Variants in MGAT4C observed in about 807,000 individuals in gnomAD.
The protein encoded by MGAT4C is MGAT4 family member C.
A neutral mutation model predicts 40.1 loss-of-function variants in MGAT4C; 19 were observed. The observed-to-expected ratio is 0.47, with a 90% CI of 0.33 to 0.70. The LOEUF is 0.70. Among genes scored for constraint, MGAT4C ranks in the 30% least tolerant of loss-of-function variants. The pLI is 0.02. For missense variants in MGAT4C, 491 were observed against 563.2 expected, an observed-to-expected ratio of 0.87 and a Z score of 1.30; for synonymous variants, 181 against 187.1, an observed-to-expected ratio of 0.97 and a Z score of 0.27.
Position 86,578,242 on chromosome 12 carries a change from C to A in MGAT4C, c.-228-142977G>T, listed in dbSNP as rs7304757. 4.6e-5 allele frequency among the ~76,000 whole-genome samples: 7 copies of A among 151,780 alleles called. 1 individual carries two copies. Among genetic ancestry groups the A allele is most frequent in the South Asian group, 4.1e-4 (2 of 4,830 alleles). ...CACAGGCCCTGGACCTTGTGCCTCC[C>A]TCTCTCCCTCCTCTTCCTTTCTCAG... On this transcript the variant is annotated intron_variant, in intron 2 of 7. Transcript: ENST00000548651.
At chr12:86,327,728 T>C (rs777474965) in intron 4 of MGAT4C, among the ~76,000 whole-genome samples, 1 of 152,166 alleles carries the variant, frequency 6.6e-6, no homozygotes, top group Non-Finnish European at 1.5e-5. Context: ...AAATTGAATA[T>C]GCAGAGAACT....
intron 1 of MGAT4C, among the ~76,000 whole-genome samples, chr12:86,070,038 TC>T (rs1171774999): frequency 2.6e-5 from 4 of 151,988 alleles, no homozygotes; most frequent in Non-Finnish European, 5.9e-5. Flanking sequence ...CACATTGTCT[TC>T]CTTGGTGTCC....
intron 1 of MGAT4C, among the ~76,000 whole-genome samples, chr12:86,056,447 T>C (rs1402237252): frequency 2.6e-5 from 4 of 152,176 alleles, no homozygotes; most frequent in Non-Finnish European, 5.9e-5. Context: ...AGTGTTCTCA[T>C]TGTTCAATTC....
intron 1 of MGAT4C, among the ~76,000 whole-genome samples, chr12:86,064,474 TAATGA>T (rs894730101): frequency 3.9e-4 from 60 of 152,178 alleles, no homozygotes; most frequent in African/African-American, 1.4e-3. Context: ...ACTGGGTAAA[TAATGA>T]AATGAAGACA....
At chr12:86,192,489 C>A (rs1889630767) in intron 1 of MGAT4C, among the ~76,000 whole-genome samples, 1 of 152,090 alleles carries the variant, frequency 6.6e-6, no homozygotes, top group African/African-American at 2.4e-5. Context: ...CCTTGCAAGA[C>A]TTTACTAATT....
At chr12:86,793,567 TAG>T (rs1217879640) in intron 1 of MGAT4C, among the ~76,000 whole-genome samples, 4 of 152,066 alleles carry the variant, frequency 2.6e-5, no homozygotes, top group Non-Finnish European at 2.9e-5. Flanking sequence ...ATGAATAAAA[TAG>T]AGTTACAATT....
chr12:86,829,061 T>C (rs907771867), intron 1 of MGAT4C, among the ~76,000 whole-genome samples: 6 of 151,576 alleles, frequency 4.0e-5, no homozygotes, highest in African/African-American at 4.8e-5. Context: ...TTTTCAGATA[T>C]TAATAAAAAA....
intron 2 of MGAT4C, among the ~76,000 whole-genome samples, chr12:86,611,433 T>TA (rs1392573458): frequency 1.4e-4 from 20 of 141,924 alleles, no homozygotes; most frequent in Admixed American, 1.2e-3. Flanking sequence ...GATAGATAGA[T>TA]GACAGATAGA....
intron 3 of MGAT4C, among the ~76,000 whole-genome samples, chr12:86,352,601 C>T (rs1245759861): frequency 6.6e-6 from 1 of 152,080 alleles, no homozygotes; most frequent in Non-Finnish European, 1.5e-5. Context: ...ACATAGGGTT[C>T]CATTACATAG....
At chr12:86,147,647 G>C (rs992115158) in intron 1 of MGAT4C, among the ~76,000 whole-genome samples, 2 of 152,132 alleles carry the variant, frequency 1.3e-5, no homozygotes, top group African/African-American at 4.8e-5. Flanking sequence ...GAGCATTGGA[G>C]ATATTTACAG....
At chr12:86,031,301 C>T (rs1032978405) in intron 2 of MGAT4C, among the ~76,000 whole-genome samples, 3 of 151,652 alleles carry the variant, frequency 2.0e-5, no homozygotes, top group African/African-American at 4.8e-5. Flanking sequence ...CCAAGTGAAA[C>T]GATGGCCAAA....
intron 1 of MGAT4C, among the ~76,000 whole-genome samples, chr12:86,099,062 TTA>T (rs565410016): frequency 1.4e-3 from 208 of 151,480 alleles, no homozygotes; most frequent in African/African-American, 4.8e-3. Flanking sequence ...CATTTATAAT[TTA>T]TATGAGTTTA....
At chr12:86,388,469 T>C (rs537901322) in intron 3 of MGAT4C, among the ~76,000 whole-genome samples, 52 of 152,154 alleles carry the variant, frequency 3.4e-4, no homozygotes, top group African/African-American at 1.2e-3. Context: ...AAGAAATATT[T>C]TGAACCAATA....
intron 1 of MGAT4C, among the ~76,000 whole-genome samples, chr12:86,216,184 C>T (rs1476125140): frequency 6.6e-6 from 1 of 152,074 alleles, no homozygotes; most frequent in Non-Finnish European, 1.5e-5. Context: ...AATGAAAACA[C>T]AGAATTATGG....
At chr12:86,244,573 C>T (rs576894682) in intron 1 of MGAT4C, among the ~76,000 whole-genome samples, 1 of 152,298 alleles carries the variant, frequency 6.6e-6, no homozygotes, top group African/African-American at 2.4e-5. Flanking sequence ...TCTGCGCTAG[C>T]ACTGCTGATA....
intron 1 of MGAT4C, among the ~76,000 whole-genome samples, chr12:86,215,327 C>G (rs1242895259): frequency 6.6e-6 from 1 of 152,146 alleles, no homozygotes; most frequent in East Asian, 1.9e-4. Flanking sequence ...AAGCAAGACC[C>G]TCTAATAACA....
intron 3 of MGAT4C, among the ~76,000 whole-genome samples, chr12:86,410,877 C>T (rs1487958208): frequency 1.3e-5 from 2 of 152,148 alleles, no homozygotes; most frequent in African/African-American, 4.8e-5. Context: ...GTTGGTCCCT[C>T]CATTCGGGGT....
At chr12:86,240,444 T>C (rs748539269) in intron 1 of MGAT4C, among the ~76,000 whole-genome samples, 114 of 152,070 alleles carry the variant, frequency 7.5e-4, no homozygotes, top group Non-Finnish European at 2.4e-4. Flanking sequence ...TCTACATTTG[T>C]GGGTTTTTAA....
intron 2 of MGAT4C, among the ~76,000 whole-genome samples, chr12:86,678,615 T>C (rs1565920224): frequency 7.7e-6 from 1 of 130,092 alleles, no homozygotes; most frequent in Non-Finnish European, 1.6e-5. Flanking sequence ...GAGTATGATG[T>C]TCCCCTTCCT....
Sources: gnomAD v4.1 joint callset for allele counts (sites outside exome capture counted in the v4.1 genomes callset) on GRCh38, gnomAD v4.1.1 for gene constraint, MANE v1.5 for transcripts, NCBI Gene and HGNC (gene_info 2026-07-23, HGNC 2026-07-21) for gene names.